The following USP53 variants were observed in gnomAD, a reference collection of about 807,000 sequenced individuals.
USP53 encodes ubiquitin specific peptidase 53.
Under a neutral mutation model 94.9 loss-of-function variants are expected in USP53, and 71 were observed. That is an observed-to-expected ratio of 0.75 (90% CI 0.62 to 0.91). The LOEUF is 0.91. Among genes scored for constraint, USP53 ranks in the 40% least tolerant of loss-of-function variants. The pLI, the probability that USP53 is intolerant of heterozygous loss-of-function variation, is 0.00. For missense variants in USP53, 1,173 were observed against 1,281.0 expected (o/e 0.92, Z 1.29); for synonymous variants, 375 against 422.7 (o/e 0.89, Z 1.39).
chr4:119,262,822 T>C (rs533163871), intron 12 of USP53, among the ~76,000 whole-genome samples: 2 of 152,268 alleles, frequency 1.3e-5, no homozygotes, highest in South Asian at 4.1e-4. Flanking sequence ...TAATAAGGAG[T>C]ATTGGAATCA....
intron 6 of USP53, among the ~76,000 whole-genome samples, chr4:119,248,527 A>G (rs1350032147): frequency 6.6e-6 from 1 of 151,698 alleles, no homozygotes. Flanking sequence ...GGAACCCTAC[A>G]TGTTTAATTC....
intron 5 of USP53, among the ~76,000 whole-genome samples, chr4:119,245,092 CAT>C (rs1474906194): frequency 6.6e-6 from 1 of 152,166 alleles, no homozygotes; most frequent in Admixed American, 6.5e-5. Context: ...CCATGCTTGT[CAT>C]AGTTTTTCAT....
At chr4:119,272,093 G>T in intron 16 of USP53, 59 bp downstream of exon 16, 3 of 1,506,064 alleles carry the variant, frequency 2.0e-6, no homozygotes, top group South Asian at 2.8e-5. Flanking sequence ...TTAATTGCAT[G>T]AAGTAATTTT....
chr4:119,267,717 G>A (rs540605697), intron 13 of USP53, among the ~76,000 whole-genome samples: 1 of 152,106 alleles, frequency 6.6e-6, no homozygotes, highest in Non-Finnish European at 1.5e-5. Flanking sequence ...CACAGAAGAG[G>A]CTTCATTAGT....
At chr4:119,249,198 G>A (rs1234959958) in intron 7 of USP53, among the ~76,000 whole-genome samples, 2 of 152,042 alleles carry the variant, frequency 1.3e-5, no homozygotes, top group Non-Finnish European at 1.5e-5. Context: ...GCCACTATAG[G>A]GACCACATAT....
At chr4:119,240,448 T>A (rs1214990317) in intron 5 of USP53, among the ~76,000 whole-genome samples, 1 of 152,172 alleles carries the variant, frequency 6.6e-6, no homozygotes, top group Non-Finnish European at 1.5e-5. Flanking sequence ...ATTAACCTGC[T>A]TTTCTGCCTT....
At chr4:119,271,187 C>T (rs886747676) in intron 15 of USP53, 109 bp from the exon 16 acceptor site, 3 of 1,453,760 alleles carry the variant, frequency 2.1e-6, no homozygotes, top group African/African-American at 2.8e-5. Flanking sequence ...CTTGTAATTA[C>T]TATTTACCTA....
chr4:119,261,113 C>T (rs1409322111), intron 11 of USP53, among the ~76,000 whole-genome samples: 2 of 151,912 alleles, frequency 1.3e-5, no homozygotes, highest in East Asian at 3.9e-4. Context: ...GCATGCACCA[C>T]CATACCCAGC....
chr4:119,221,718 TTGGCTTCTCTCCTTTGTCTTCGA>T (rs1364506039), intron 3 of USP53, among the ~76,000 whole-genome samples: 2 of 152,116 alleles, frequency 1.3e-5, no homozygotes, highest in Non-Finnish European at 2.9e-5. Flanking sequence ...GAGAAATACC[TTGGCTTCTCTCCTTTGTCTTCGA>T]TTTTCTGGCA....
intron 3 of USP53, among the ~76,000 whole-genome samples, chr4:119,228,507 C>G (rs61015834): frequency 0.35 from 52,939 of 152,010 alleles, 9,360 homozygotes; most frequent in African/African-American, 0.39. Context: ...TAATGGAATA[C>G]ATATCTTGTC....
chr4:119,230,575 C>T (rs1380503788), intron 3 of USP53, among the ~76,000 whole-genome samples: 1 of 152,168 alleles, frequency 6.6e-6, no homozygotes, highest in Admixed American at 6.5e-5. Context: ...CTTGTCTTAC[C>T]TGTGTTGAGT....
intron 2 of USP53, 122 bp downstream of exon 2, chr4:119,214,344 A>G (rs1345466063): frequency 1.3e-5 from 2 of 152,136 alleles, no homozygotes; most frequent in Non-Finnish European, 2.9e-5. Context: ...AAACCATGAA[A>G]GTGATTTATT....
chr4:119,224,284 C>T (rs1450016392), intron 3 of USP53, among the ~76,000 whole-genome samples: 1 of 152,218 alleles, frequency 6.6e-6, no homozygotes, highest in Non-Finnish European at 1.5e-5. Context: ...AGGCGTGAGC[C>T]ACCACATCTG....
Position 119,271,418 on chromosome 4 carries a change from C to A in USP53, c.1558C>A (p.Arg520=). 3 of 1,613,810 alleles carry A rather than the reference C, an allele frequency of 1.9e-6. No homozygotes were observed. The highest frequency in any genetic ancestry group is 2.5e-6 in the Non-Finnish European group (3 of 1,179,968). ...SQGKGSYKHD[R]VVPQSRASAQ... Reference sequence around the variant, plus strand: ...AGGAAAAGGATCATATAAACATGACCGAGTTGTACCTCAGAGTCGAGCTTC... The same window carrying A: ...AGGAAAAGGATCATATAAACATGACAGAGTTGTACCTCAGAGTCGAGCTTC... The change falls in exon 16 of 19, where the codon CGA becomes AGA. Residue 520 remains arginine, a synonymous_variant. Transcript: ENST00000692078.
At chr4:119,244,994 C>T (rs1259448537) in intron 5 of USP53, among the ~76,000 whole-genome samples, 1 of 152,170 alleles carries the variant, frequency 6.6e-6, no homozygotes, top group Non-Finnish European at 1.5e-5. Flanking sequence ...ATCACTTCCT[C>T]TTTCATGTCT....
At chr4:119,218,314 T>C (rs1474010750) in intron 3 of USP53, 3 of 152,244 alleles carry the variant, frequency 2.0e-5, no homozygotes, top group Non-Finnish European at 2.9e-5. Context: ...AATTTTCTTC[T>C]GGAGATCATG....
chr4:119,291,137 C>T, intron 17 of USP53, 28 bp from the exon 18 acceptor site: 1 of 1,033,596 alleles, frequency 9.7e-7, no homozygotes, highest in South Asian at 1.8e-5. Context: ...TTTTCCTCAT[C>T]TCTTCTCCCC....
Position 119,292,952 on chromosome 4 carries a change from TGA to T in USP53, c.2968_2969del (p.Glu990MetfsTer15), listed in dbSNP as rs779781588. 1.1e-5 allele frequency: 17 copies of T among 1,614,026 alleles called. No homozygotes were observed. The highest frequency in any genetic ancestry group is 1.6e-4 in the Middle Eastern group (1 of 6,062). ...GAAAGACATAAAGAAACATTTCAAG[TGA>T]GAGAATGTTTTGGCAACACACCAAA... On this transcript the variant is annotated frameshift_variant, in exon 19 of 19. Coordinates refer to ENST00000692078, the MANE Select transcript of USP53 (RefSeq NM_001371395.1). LOFTEE classifies it low-confidence loss of function (END_TRUNC).
At chr4:119,229,138 G>T (rs536725949) in intron 3 of USP53, among the ~76,000 whole-genome samples, 1 of 152,270 alleles carries the variant, frequency 6.6e-6, no homozygotes, top group East Asian at 1.9e-4. Flanking sequence ...TAGCAATTGC[G>T]TGCAACATAG....
Sources: gnomAD v4.1 joint callset for allele counts (sites outside exome capture counted in the v4.1 genomes callset) on GRCh38, gnomAD v4.1.1 for gene constraint, MANE v1.5 for transcripts, NCBI Gene and HGNC (gene_info 2026-07-23, HGNC 2026-07-21) for gene names.